Variants in LYRM4 observed in about 807,000 individuals in gnomAD.
LYRM4 encodes LYR motif-containing protein 4.
A neutral mutation model predicts 11.7 loss-of-function variants in LYRM4; 9 were observed. The ratio of observed to expected loss-of-function variants is 0.77; its 90% CI spans 0.46 to 1.34. The LOEUF (loss-of-function observed/expected upper bound fraction) is 1.34, where lower values mean the gene tolerates loss of function less well. Among genes scored for constraint, LYRM4 ranks in the 40% most tolerant of loss-of-function variants. LYRM4 has a pLI of 0.00. For missense variants in LYRM4, 133 were observed against 112.5 expected (o/e 1.18, Z -0.82); for synonymous variants, 42 against 40.4 (o/e 1.04, Z -0.15).
chr6:5,086,276 C>G, the LYRM4 span: 4 of 1,535,532 alleles, frequency 2.6e-6, no homozygotes, highest in East Asian at 2.4e-5. Flanking sequence ...CTGGACGTGC[C>G]GGCTGAGCTG....
chr6:5,247,008 C>G (rs1189742994), intron 1 of LYRM4, among the ~76,000 whole-genome samples: 1 of 152,094 alleles, frequency 6.6e-6, no homozygotes, highest in Non-Finnish European at 1.5e-5. Context: ...TGAAAACAGT[C>G]CTTGAGACAC....
intron 2 of LYRM4, among the ~76,000 whole-genome samples, chr6:5,172,123 C>T (rs947875193): frequency 2.0e-5 from 3 of 152,174 alleles, no homozygotes; most frequent in African/African-American, 7.2e-5. Flanking sequence ...AGGAACCCTT[C>T]ACCATCCCTG....
chr6:5,245,161 T>TATATATATAA (rs1561899270), intron 1 of LYRM4, among the ~76,000 whole-genome samples: 5 of 72,518 alleles, frequency 6.9e-5, no homozygotes, highest in African/African-American at 2.7e-4. Context: ...TATATATATA[T>TATATATATAA]ATAAAATAGG....
chr6:5,248,286 T>C (rs1378925179), intron 1 of LYRM4, among the ~76,000 whole-genome samples: 1 of 152,260 alleles, frequency 6.6e-6, no homozygotes, highest in South Asian at 2.1e-4. Context: ...GCTGTCACAT[T>C]GCTGTAGCCA....
chr6:5,141,204 T>A (rs200859), intron 2 of LYRM4, among the ~76,000 whole-genome samples: 122,021 of 152,188 alleles, frequency 0.8, 49,103 homozygotes, highest in East Asian at 0.92. Context: ...GGGTGGTATG[T>A]CTCAGGGTCC....
intron 2 of LYRM4, among the ~76,000 whole-genome samples, chr6:5,145,929 C>T (rs1213639009): frequency 1.3e-5 from 2 of 152,162 alleles, no homozygotes; most frequent in South Asian, 2.1e-4. Context: ...TTCCCTCAGC[C>T]GTCAAATGAT....
chr6:5,146,704 A>G (rs1757748064), intron 2 of LYRM4, among the ~76,000 whole-genome samples: 1 of 152,118 alleles, frequency 6.6e-6, no homozygotes, highest in South Asian at 2.1e-4. Context: ...TGCATACCAC[A>G]ACTCTGGCCA....
chr6:5,069,007 C>T, the LYRM4 span, among the ~76,000 whole-genome samples: 1 of 152,080 alleles, frequency 6.6e-6, no homozygotes, highest in Non-Finnish European at 1.5e-5. Flanking sequence ...AGAGACTCAA[C>T]CTAGATCCTC....
intron 2 of LYRM4, among the ~76,000 whole-genome samples, chr6:5,198,010 A>G (rs778678659): frequency 1.3e-5 from 2 of 152,146 alleles, no homozygotes; most frequent in Non-Finnish European, 2.9e-5. Flanking sequence ...ATCCCTACTA[A>G]AATACAAAAC....
chr6:5,204,719 T>A (rs970150147), intron 2 of LYRM4, among the ~76,000 whole-genome samples: 1 of 152,068 alleles, frequency 6.6e-6, no homozygotes, highest in African/African-American at 2.4e-5. Context: ...AGATGACAGA[T>A]CCTCCCGTGA....
the LYRM4 span, among the ~76,000 whole-genome samples, chr6:5,077,704 T>G: frequency 6.6e-6 from 1 of 152,230 alleles, no homozygotes; most frequent in Non-Finnish European, 1.5e-5. Context: ...TATATTCTAT[T>G]GGTCCCTTTA....
intron 1 of LYRM4, chr6:5,240,792 G>C (rs1312836005): frequency 6.6e-6 from 1 of 152,228 alleles, no homozygotes; most frequent in African/African-American, 2.4e-5. Context: ...TGTAATTTAA[G>C]TCAAGGGGAG....
intron 2 of LYRM4, among the ~76,000 whole-genome samples, chr6:5,150,565 T>C (rs923935191): frequency 8.5e-5 from 13 of 152,222 alleles, no homozygotes; most frequent in Admixed American, 6.5e-5. Flanking sequence ...CCCTCACTAA[T>C]TGTTAGCTAT....
chr6:5,222,360 C>T (rs574864207), intron 1 of LYRM4, among the ~76,000 whole-genome samples: 2 of 152,238 alleles, frequency 1.3e-5, no homozygotes, highest in South Asian at 4.1e-4. Context: ...GCAATGATTA[C>T]AAAATTCAAA....
intron 2 of LYRM4, among the ~76,000 whole-genome samples, chr6:5,204,289 TG>T (rs1761564120): frequency 6.6e-6 from 1 of 150,858 alleles, no homozygotes; most frequent in Non-Finnish European, 1.5e-5. Context: ...GGGGGTGGGC[TG>T]GGGGACAGGG....
the LYRM4 span, among the ~76,000 whole-genome samples, chr6:5,079,198 T>C: frequency 5.3e-5 from 8 of 152,156 alleles, no homozygotes; most frequent in Non-Finnish European, 7.3e-5. Flanking sequence ...TGTGGAGATG[T>C]AATAAAACAA....
the LYRM4 span, among the ~76,000 whole-genome samples, chr6:5,071,894 C>A: frequency 6.6e-6 from 1 of 152,136 alleles, no homozygotes; most frequent in Non-Finnish European, 1.5e-5. Flanking sequence ...ATCTGCCCAC[C>A]TCGGCCTCCC....
intron 1 of LYRM4, among the ~76,000 whole-genome samples, chr6:5,231,582 C>G (rs1228114278): frequency 6.6e-6 from 1 of 152,178 alleles, no homozygotes; most frequent in African/African-American, 2.4e-5. Flanking sequence ...AATCTGGTAA[C>G]CCTTTCTCCC....
the LYRM4 span, among the ~76,000 whole-genome samples, chr6:5,090,015 G>C: frequency 2.0e-5 from 3 of 149,632 alleles, no homozygotes; most frequent in Non-Finnish European, 4.4e-5. The surrounding 1 kb of genome is among the most constrained non-coding windows in gnomAD (Gnocchi z 4.8). Context: ...CTGAAAGGAA[G>C]ACACACACAC....
Sources: gnomAD v4.1 joint callset for allele counts (sites outside exome capture counted in the v4.1 genomes callset) on GRCh38, gnomAD v4.1.1 for gene constraint, Gnocchi (gnomAD v3.1) non-coding constraint, MANE v1.5 for transcripts, NCBI Gene and HGNC (gene_info 2026-07-23, HGNC 2026-07-21) for gene names.